Variants in MYO16 observed in about 807,000 individuals in gnomAD.
The protein encoded by MYO16 is unconventional myosin-XVI.
MYO16 carries 94 observed loss-of-function variants against 205.3 expected under a neutral mutation model. The observed-to-expected ratio is 0.46, with a 90% CI of 0.39 to 0.54. MYO16 has a LOEUF of 0.54. MYO16 is among the 20% of genes least tolerant of loss of function. The probability of loss-of-function intolerance (pLI) is 0.00; values close to 1 mark genes in which losing one functional copy is unlikely to be tolerated. For synonymous variants in MYO16, 988 were observed against 954.0 expected (o/e 1.04, Z -0.66); for missense variants, 2,315 against 2,387.5 (o/e 0.97, Z 0.63).
At chr13:108,723,193 T>A (rs1884226180) in intron 3 of MYO16, among the ~76,000 whole-genome samples, 1 of 152,194 alleles carries the variant, frequency 6.6e-6, no homozygotes, top group Non-Finnish European at 1.5e-5. Flanking sequence ...GCCTTATCTT[T>A]GAAGCTGTTT....
upstream of MYO16, among the ~76,000 whole-genome samples, chr13:108,592,952 C>T (rs1050080383): frequency 2.6e-5 from 4 of 152,082 alleles, no homozygotes; most frequent in African/African-American, 9.7e-5. Flanking sequence ...AAATTGCAAT[C>T]ACGCTTCCTT....
chr13:108,727,816 G>A (rs1884393299), intron 4 of MYO16, among the ~76,000 whole-genome samples: 1 of 152,148 alleles, frequency 6.6e-6, no homozygotes. Context: ...GCCTTTCCTT[G>A]GGAATTATAT....
chr13:108,569,618 T>C, the MYO16 span, among the ~76,000 whole-genome samples: 1 of 152,164 alleles, frequency 6.6e-6, no homozygotes, highest in Non-Finnish European at 1.5e-5. Flanking sequence ...CTTCTCCCTT[T>C]CCTCCAGATA....
chr13:108,844,276 T>C, intron 9 of MYO16, 67 bp from the exon 10 acceptor site: 1 of 1,366,378 alleles, frequency 7.3e-7, no homozygotes, highest in Non-Finnish European at 1.0e-6. Context: ...CTATCCTGTA[T>C]TGGTAATTTT....
rs1464536488 is a variant in MYO16, at chr13:108,705,754, T to C, written c.293-6907T>C. 4.6e-5 allele frequency among the ~76,000 whole-genome samples: 7 copies of C among 152,178 alleles called. No homozygotes were observed. The South Asian group carries it at 1.0e-3, about 23-fold the overall frequency. On this transcript the variant is annotated intron_variant, in intron 2 of 34. Coordinates refer to ENST00000457511, the MANE Select transcript of MYO16 (RefSeq NM_001198950.3). ...AAAAGGTAATACTAGTAAAATTATA[T>C]GCCAAAAAGTTAGATAAACCACATG...
Position 109,120,436 on chromosome 13 carries a change from T to C in MYO16, c.3505T>C (p.Leu1169=). The C allele has an allele frequency of 6.2e-7, 1 of 1,612,256 alleles. No homozygotes were observed. The highest frequency in any genetic ancestry group is 8.5e-7 in the Non-Finnish European group (1 of 1,179,330). ...ADQLNDLCLQ[L]QRKIITCQKV... ...CCAACTCAATGATTTGTGCCTACAGTTGCAGAGAAAAATTATAACCTGCCA... is the reference window on the plus strand; with the variant it reads ...CCAACTCAATGATTTGTGCCTACAGCTGCAGAGAAAAATTATAACCTGCCA... Residue 1169 remains leucine, a synonymous_variant, in exon 29 of 35, where the codon TTG becomes CTG. Coordinates refer to ENST00000457511, the MANE Select transcript of MYO16 (RefSeq NM_001198950.3).
intron 20 of MYO16, among the ~76,000 whole-genome samples, chr13:108,970,657 C>G (rs74625676): frequency 0.016 from 2,411 of 152,308 alleles, 53 homozygotes; most frequent in African/African-American, 0.055. Flanking sequence ...TGGCCACGAA[C>G]ATGGCTGTCA....
chr13:109,063,801 A>G (rs946215074), intron 27 of MYO16, among the ~76,000 whole-genome samples: 2 of 152,120 alleles, frequency 1.3e-5, no homozygotes, highest in African/African-American at 4.8e-5. Context: ...ATAGAAGGAA[A>G]TATGGCTTAC....
intron 8 of MYO16, among the ~76,000 whole-genome samples, chr13:108,822,012 A>C (rs1288521956): frequency 6.6e-6 from 1 of 152,198 alleles, no homozygotes; most frequent in Non-Finnish European, 1.5e-5. Context: ...CAGATATGCC[A>C]ATAATCTAGG....
At chr13:109,057,430 C>G (rs1887448716) in intron 27 of MYO16, among the ~76,000 whole-genome samples, 1 of 152,058 alleles carries the variant, frequency 6.6e-6, no homozygotes, top group African/African-American at 2.4e-5. Context: ...CATGTTGTCT[C>G]TTAATTTATA....
Position 108,866,179 on chromosome 13 carries a change from A to T in MYO16, c.1362A>T (p.Thr454=). The stretch of plus-strand genomic sequence containing the variant: ...TGTTTGCATCCCTTTTTTCACAGAC[A>T]TTCATTGGAGACATTCTTTTGCTTG... The part of the protein sequence containing the change: ...QKRFGNNQIY[T]FIGDILLLVN... The change falls in exon 12 of 35, where the codon ACA becomes ACT. Residue 454 remains threonine (T), a splice_region_variant and synonymous_variant. Transcript: ENST00000457511. 6.3e-7 allele frequency: 1 copy of T among 1,599,658 alleles called. No individual in the cohort carries two copies. Among genetic ancestry groups the T allele is most frequent in the African/African-American group, 1.3e-5 (1 of 74,598 alleles).
At chr13:108,897,948 C>T (rs952871262) in intron 14 of MYO16, 68 bp from the exon 15 acceptor site, 30 of 1,191,588 alleles carry the variant, frequency 2.5e-5, no homozygotes, top group Admixed American at 1.2e-4. Flanking sequence ...ACTGCATCGT[C>T]GCTATTACTC....
intron 33 of MYO16, among the ~76,000 whole-genome samples, chr13:109,165,483 G>A (rs1355028859): frequency 1.3e-5 from 2 of 152,148 alleles, no homozygotes; most frequent in African/African-American, 4.8e-5. Context: ...TTTAGAAAGT[G>A]GCTTGATTGC....
intron 16 of MYO16, among the ~76,000 whole-genome samples, chr13:108,935,120 A>G (rs911008918): frequency 3.3e-5 from 5 of 152,014 alleles, no homozygotes; most frequent in African/African-American, 1.2e-4. Context: ...TTTTTGTTTC[A>G]TATGAATTTT....
chr13:108,811,511 G>T (rs1235181246), intron 7 of MYO16, among the ~76,000 whole-genome samples: 1 of 149,148 alleles, frequency 6.7e-6, no homozygotes, highest in African/African-American at 2.5e-5. Flanking sequence ...CCCAGGGGCT[G>T]TCTCTTTTTT....
chr13:108,774,096 T>G (rs938734638), intron 4 of MYO16, among the ~76,000 whole-genome samples: 1 of 149,136 alleles, frequency 6.7e-6, no homozygotes, highest in African/African-American at 2.4e-5. Flanking sequence ...GTCTCAAAAA[T>G]GAAAATAAAT....
At chr13:108,789,091 C>T (rs550854804) in intron 5 of MYO16, among the ~76,000 whole-genome samples, 27 of 152,258 alleles carry the variant, frequency 1.8e-4, no homozygotes, top group Middle Eastern at 3.4e-3. Context: ...CTCCTGCATA[C>T]GCAGTTTTAT....
At chr13:108,685,256 C>G (rs142950397) in intron 2 of MYO16, among the ~76,000 whole-genome samples, 174 of 152,190 alleles carry the variant, frequency 1.1e-3, no homozygotes, top group Non-Finnish European at 1.6e-3. Flanking sequence ...CTCTTGACCT[C>G]ATGATCCACC....
At chr13:108,786,493 G>A (rs1340607265) in intron 5 of MYO16, among the ~76,000 whole-genome samples, 2 of 151,960 alleles carry the variant, frequency 1.3e-5, no homozygotes, top group African/African-American at 2.4e-5. Context: ...ATGACCCTTG[G>A]CCAGAGAAAA....
Sources: gnomAD v4.1 joint callset for allele counts (sites outside exome capture counted in the v4.1 genomes callset) on GRCh38, gnomAD v4.1.1 for gene constraint, MANE v1.5 for transcripts, NCBI Gene and HGNC (gene_info 2026-07-23, HGNC 2026-07-21) for gene names.